RGS7: variants seen among roughly 807,000 people sequenced by gnomAD.
RGS7 encodes regulator of G protein signaling 7.
Under a neutral mutation model 81.1 loss-of-function variants are expected in RGS7, and 27 were observed. The ratio of observed to expected loss-of-function variants is 0.33; its 90% CI spans 0.25 to 0.46. The LOEUF (loss-of-function observed/expected upper bound fraction) is 0.46, where lower values mean the gene tolerates loss of function less well. Among genes scored for constraint, RGS7 ranks in the 20% least tolerant of loss-of-function variants. RGS7 has a pLI of 1.00. For synonymous variants in RGS7, 208 were observed against 207.7 expected, an observed-to-expected ratio of 1.00 and a Z score of -0.01; for missense variants, 396 against 607.4, an observed-to-expected ratio of 0.65 and a Z score of 3.66.
In RGS7 at chr1:240,801,490, G is replaced by T. The variant is rs757243485; in HGVS notation, c.1378C>A (p.Arg460Ser). 1 of 1,608,226 alleles carries T rather than the reference G, an allele frequency of 6.2e-7. No homozygotes were observed. Among genetic ancestry groups the T allele is most frequent in the African/African-American group, 1.3e-5 (1 of 74,846 alleles). The change falls in exon 17 of 19, where the codon CGC becomes AGC. Residue 460 changes from arginine (R) to serine (S), a missense_variant. Transcript: ENST00000440928. ...AKKKSGNSMD[R>S]RTSFEKFAQN... ...GCAAATTTTTCAAAAGATGTTCTGC[G>T]ATCCATTGAGTTTCCAGACTTACGT...
At chr1:241,135,708 G>A (rs1237477502) in intron 2 of RGS7, among the ~76,000 whole-genome samples, 1 of 152,068 alleles carries the variant, frequency 6.6e-6, no homozygotes, top group Non-Finnish European at 1.5e-5. Context: ...GATGATCTGA[G>A]TGGGAACTCC....
chr1:240,915,266 C>T (rs561442608), intron 6 of RGS7, among the ~76,000 whole-genome samples: 1 of 152,212 alleles, frequency 6.6e-6, no homozygotes, highest in Non-Finnish European at 1.5e-5. Flanking sequence ...CAACTCCAGC[C>T]CCTCTATCCT....
rs554129702 is a variant in RGS7 at position 240,986,248 on chromosome 1, C to T, written c.176-3119G>A. Among the ~76,000 whole-genome samples, 25 of 152,252 alleles carry T rather than the reference C, an allele frequency of 1.6e-4. 1 individual carries two copies. Among genetic ancestry groups the T allele is most frequent in the Admixed American group, 1.5e-3 (23 of 15,292 alleles). ...AGCAGTATATTATTTAAAATGAAAA[C>T]AAGCAAAAACAAACAAGCAGAATTC... On this transcript the variant is annotated intron_variant, in intron 3 of 18. Coordinates refer to ENST00000440928, the MANE Select transcript of RGS7 (RefSeq NM_001364886.1).
At chr1:241,045,699 C>T (rs1284068290) in intron 3 of RGS7, among the ~76,000 whole-genome samples, 3 of 152,184 alleles carry the variant, frequency 2.0e-5, no homozygotes, top group Non-Finnish European at 2.9e-5. Context: ...CGCTATTCTA[C>T]GCAGGCTTGC....
At chr1:240,898,773 G>C (rs1387798850) in intron 6 of RGS7, among the ~76,000 whole-genome samples, 1 of 152,188 alleles carries the variant, frequency 6.6e-6, no homozygotes, top group Non-Finnish European at 1.5e-5. Flanking sequence ...ATTTGGGGTG[G>C]AGAATTCCGT....
chr1:240,784,476 A>T (rs1173758199), intron 18 of RGS7, among the ~76,000 whole-genome samples: 1 of 146,118 alleles, frequency 6.8e-6, no homozygotes, highest in Non-Finnish European at 1.5e-5. Context: ...TCGTCTCTAC[A>T]AAAAAAAAAT....
chr1:240,882,318 G>T (rs578201510), intron 6 of RGS7, among the ~76,000 whole-genome samples: 1 of 152,282 alleles, frequency 6.6e-6, no homozygotes, highest in African/African-American at 2.4e-5. Context: ...AATAGGAAAA[G>T]AATTAGACCT....
chr1:240,928,154 A>T (rs1196342130), intron 6 of RGS7, among the ~76,000 whole-genome samples: 2 of 152,200 alleles, frequency 1.3e-5, no homozygotes, highest in Middle Eastern at 3.2e-3. Context: ...CTTCCAGAGC[A>T]AATATACTTT....
chr1:240,939,171 C>T (rs1677138447), intron 4 of RGS7, among the ~76,000 whole-genome samples: 1 of 152,150 alleles, frequency 6.6e-6, no homozygotes, highest in African/African-American at 2.4e-5. Context: ...TATTTACACA[C>T]AAAATAATTT....
chr1:241,016,232 A>G (rs1034067159), intron 3 of RGS7, among the ~76,000 whole-genome samples: 6 of 151,986 alleles, frequency 3.9e-5, no homozygotes, highest in African/African-American at 4.8e-5. Flanking sequence ...TTACATAAAA[A>G]CTCATGTCTG....
intron 2 of RGS7, among the ~76,000 whole-genome samples, chr1:241,245,385 C>A (rs1291240121): frequency 6.6e-6 from 1 of 152,010 alleles, no homozygotes; most frequent in Non-Finnish European, 1.5e-5. Context: ...AGTGTGCTCA[C>A]TTCCCCTTCG....
chr1:240,824,302 A>G (rs967008791), intron 10 of RGS7, among the ~76,000 whole-genome samples: 3 of 152,230 alleles, frequency 2.0e-5, no homozygotes, highest in Non-Finnish European at 4.4e-5. Flanking sequence ...AAATTATTAT[A>G]GCTCACTCCC....
At chr1:241,296,206 C>T (rs774119273) in intron 2 of RGS7, among the ~76,000 whole-genome samples, 1 of 151,596 alleles carries the variant, frequency 6.6e-6, no homozygotes, top group East Asian at 1.9e-4. Flanking sequence ...AGAAGGGATG[C>T]ACATAAGACA....
At chr1:241,111,183 TAA>T (rs1289155453) in intron 2 of RGS7, among the ~76,000 whole-genome samples, 1 of 152,348 alleles carries the variant, frequency 6.6e-6, no homozygotes, top group East Asian at 1.9e-4. Context: ...GGAAGCCACT[TAA>T]GTTTCCCACC....
intron 6 of RGS7, among the ~76,000 whole-genome samples, chr1:240,887,923 T>C (rs1465594502): frequency 1.3e-5 from 2 of 152,200 alleles, no homozygotes. Context: ...CTATTTTCTA[T>C]CAGTAGCTTC....
intron 6 of RGS7, among the ~76,000 whole-genome samples, chr1:240,929,185 C>T (rs1448103415): frequency 6.6e-6 from 1 of 152,158 alleles, no homozygotes; most frequent in East Asian, 1.9e-4. Flanking sequence ...TGTCTGCCTC[C>T]AATGCCTGGG....
chr1:240,948,424 ATTTT>A (rs151122612), intron 4 of RGS7, among the ~76,000 whole-genome samples: 94 of 152,168 alleles, frequency 6.2e-4, no homozygotes, highest in Non-Finnish European at 1.0e-3. Flanking sequence ...AGACGCACAT[ATTTT>A]TTAAGTGTTG....
chr1:241,312,322 G>A (rs776348282), intron 2 of RGS7, among the ~76,000 whole-genome samples: 1 of 152,134 alleles, frequency 6.6e-6, no homozygotes, highest in Non-Finnish European at 1.5e-5. Flanking sequence ...ACATATACAG[G>A]CCTTGTGCTT....
At chr1:241,136,618 A>G (rs562474498) in intron 2 of RGS7, among the ~76,000 whole-genome samples, 3 of 152,320 alleles carry the variant, frequency 2.0e-5, no homozygotes, top group African/African-American at 7.2e-5. Context: ...TGATGGCAGA[A>G]CAAAACCATC....
Sources: gnomAD v4.1 joint callset for allele counts (sites outside exome capture counted in the v4.1 genomes callset) on GRCh38, gnomAD v4.1.1 for gene constraint, MANE v1.5 for transcripts, NCBI Gene and HGNC (gene_info 2026-07-23, HGNC 2026-07-21) for gene names.